The following EXOC4 variants were observed in gnomAD, a reference collection of about 807,000 sequenced individuals.
EXOC4 encodes SEC8-like 1.
Under a neutral mutation model 107.2 loss-of-function variants are expected in EXOC4, and 71 were observed. The observed-to-expected ratio is 0.66, with a 90% CI of 0.55 to 0.81. The LOEUF is 0.81. EXOC4 is among the 30% of genes least tolerant of loss of function. The pLI is 0.00. For synonymous variants in EXOC4, 456 were observed against 441.2 expected (o/e 1.03, Z -0.42); for missense variants, 1,108 against 1,189.6 (o/e 0.93, Z 1.01).
At chr7:133,440,901 T>A (rs926554286) in intron 7 of EXOC4, among the ~76,000 whole-genome samples, 1 of 152,244 alleles carries the variant, frequency 6.6e-6, no homozygotes, top group South Asian at 2.1e-4. Flanking sequence ...GTAGCCATTC[T>A]TTTTATTCCT....
intron 9 of EXOC4, among the ~76,000 whole-genome samples, chr7:133,592,160 C>T (rs976541381): frequency 6.6e-6 from 1 of 152,086 alleles, no homozygotes; most frequent in Admixed American, 6.5e-5. Flanking sequence ...CTCCTGTGCT[C>T]AAGTGATCTT....
chr7:133,619,471 T>C (rs1462388082), intron 9 of EXOC4, among the ~76,000 whole-genome samples: 2 of 152,194 alleles, frequency 1.3e-5, no homozygotes, highest in African/African-American at 4.8e-5. Flanking sequence ...CAAAACAAGA[T>C]TGATAGGCTC....
rs370990761 is a variant in EXOC4 at position 133,435,180 on chromosome 7, CT to C, written c.1183-40144del. On this transcript the variant is annotated intron_variant, in intron 7 of 17. Coordinates refer to ENST00000253861, the MANE Select transcript of EXOC4 (RefSeq NM_021807.4). ...CTGGTTAATCGATGCTTTGGTTGCA[CT>C]TTTGCACACTACCCTTTATTGAATG... is the stretch of plus-strand genomic sequence containing the variant. Among the ~76,000 whole-genome samples, 254 of 152,274 alleles carry C rather than the reference CT, an allele frequency of 1.7e-3. 2 individuals are homozygous for C. Among genetic ancestry groups the C allele is most frequent in the African/African-American group, 5.9e-3 (246 of 41,566 alleles).
At chr7:133,340,659 A>C (rs1455771304) in intron 5 of EXOC4, among the ~76,000 whole-genome samples, 1 of 151,320 alleles carries the variant, frequency 6.6e-6, no homozygotes, top group East Asian at 1.9e-4. Context: ...CTAGTCCTGG[A>C]CTTTTTTTTG....
intron 17 of EXOC4, among the ~76,000 whole-genome samples, chr7:134,058,602 A>T (rs1182470573): frequency 2.0e-5 from 3 of 152,258 alleles, no homozygotes; most frequent in Non-Finnish European, 2.9e-5. Context: ...AGTGTTGTTC[A>T]GATATAACTG....
chr7:133,854,739 G>T (rs1798312167), intron 11 of EXOC4, among the ~76,000 whole-genome samples: 1 of 149,718 alleles, frequency 6.7e-6, no homozygotes, highest in Non-Finnish European at 1.5e-5. Flanking sequence ...CCTTCAAATA[G>T]TCCCTCTTAG....
intron 11 of EXOC4, among the ~76,000 whole-genome samples, chr7:133,866,828 A>G (rs959701201): frequency 1.3e-5 from 2 of 152,210 alleles, no homozygotes; most frequent in Admixed American, 1.3e-4. Context: ...GATGCTGACA[A>G]TCAAGCTAAC....
the EXOC4 span, among the ~76,000 whole-genome samples, chr7:134,095,573 C>A: frequency 1.3e-5 from 2 of 152,110 alleles, no homozygotes; most frequent in Non-Finnish European, 2.9e-5. Context: ...TCAAATTATA[C>A]TATAAGGCTG....
Position 133,271,731 on chromosome 7 carries a change from C to T in EXOC4, c.87-3251C>T, listed in dbSNP as rs150897738. On this transcript the variant is annotated intron_variant, in intron 1 of 17. Transcript: ENST00000253861. The stretch of plus-strand genomic sequence containing the variant: ...AAGGGGAACTGATGTGAACATGCTG[C>T]GCTTACGCCGCTTGCTGTGCTGTGA... Among the ~76,000 whole-genome samples, 111 of 152,272 alleles carry T rather than the reference C, an allele frequency of 7.3e-4. 1 individual carries two copies. The highest frequency in any genetic ancestry group is 2.6e-3 in the African/African-American group (106 of 41,556).
At chr7:133,566,069 C>T (rs1800900299) in intron 9 of EXOC4, among the ~76,000 whole-genome samples, 1 of 152,110 alleles carries the variant, frequency 6.6e-6, no homozygotes, top group South Asian at 2.1e-4. Context: ...AGTTTGAGAT[C>T]ATTTATAAAG....
chr7:133,740,898 A>G (rs1183211798), intron 10 of EXOC4, among the ~76,000 whole-genome samples: 1 of 152,214 alleles, frequency 6.6e-6, no homozygotes, highest in Admixed American at 6.5e-5. Flanking sequence ...GGAAAGGAAG[A>G]CACTGAGATT....
rs550007638 is a variant in EXOC4, at chr7:133,899,002, CTTAAATA to C, written c.1871+3273_1871+3279del. 4.6e-5 allele frequency among the ~76,000 whole-genome samples: 7 copies of C among 151,526 alleles called. No individual in the cohort carries two copies. The South Asian group carries it at 1.0e-3, about 23-fold the overall frequency. ...CAAAAAATAAAAAATAAAAATAAAACTTAAATATTAAAAAGTTTAAAATTTTTAAAAT... is the reference window on the plus strand; with the variant it reads ...CAAAAAATAAAAAATAAAAATAAAACTTAAAAAGTTTAAAATTTTTAAAAT... On this transcript the variant is annotated intron_variant, in intron 12 of 17. Coordinates refer to ENST00000253861, the MANE Select transcript of EXOC4 (RefSeq NM_021807.4).
chr7:133,779,305 A>C (rs1796411307), intron 10 of EXOC4, among the ~76,000 whole-genome samples: 1 of 151,200 alleles, frequency 6.6e-6, no homozygotes, highest in African/African-American at 2.4e-5. Flanking sequence ...AAAAATGAGG[A>C]TTTTTTTTTA....
chr7:133,750,556 G>A (rs1205547604), intron 10 of EXOC4, among the ~76,000 whole-genome samples: 3 of 150,206 alleles, frequency 2.0e-5, no homozygotes, highest in African/African-American at 7.4e-5. Flanking sequence ...AGTAACTGTT[G>A]TGTGAGGGGA....
chr7:133,347,864 G>A (rs765360551), intron 5 of EXOC4, among the ~76,000 whole-genome samples: 4 of 152,084 alleles, frequency 2.6e-5, no homozygotes, highest in South Asian at 2.1e-4. Flanking sequence ...GAAAGTCTTC[G>A]AAACTAGGTT....
chr7:133,625,148 C>T (rs1056188771), intron 9 of EXOC4, among the ~76,000 whole-genome samples: 3 of 152,092 alleles, frequency 2.0e-5, no homozygotes, highest in Non-Finnish European at 4.4e-5. Flanking sequence ...CCTAAAGTAA[C>T]AAGAACAACA....
rs1166466886 is a variant in EXOC4, at chr7:133,961,384, T to C, written c.2206+23315T>C. On this transcript the variant is annotated intron_variant, in intron 14 of 17. Coordinates refer to ENST00000253861, the MANE Select transcript of EXOC4 (RefSeq NM_021807.4). The stretch of plus-strand genomic sequence containing the variant: ...TCACTGCAACCTCTGCCTCCCAGGT[T>C]CAAGCAATTCTCATGCCTCAGCCTC... Among the ~76,000 whole-genome samples the C allele has an allele frequency of 2.1e-5, 3 of 141,286 alleles. No individual in the cohort carries two copies. In the Admixed American group the frequency reaches 2.4e-4, roughly 11 times the overall value. The allele number at this position is 141,286 out of a possible 152,430, so 92.7% of individuals were successfully genotyped here. A position where few individuals can be genotyped will look rare whatever the true frequency, so the allele number is the denominator to read the frequency against.
intron 11 of EXOC4, among the ~76,000 whole-genome samples, chr7:133,853,393 C>CACACACAA (rs1251021627): frequency 7.9e-6 from 1 of 126,256 alleles, no homozygotes; most frequent in Non-Finnish European, 1.7e-5. Flanking sequence ...CACACACACA[C>CACACACAA]ACACAACTTT....
At chr7:133,963,020 G>A (rs1432459048) in intron 14 of EXOC4, among the ~76,000 whole-genome samples, 1 of 152,250 alleles carries the variant, frequency 6.6e-6, no homozygotes, top group Non-Finnish European at 1.5e-5. Flanking sequence ...TGCTGCACAT[G>A]TAGGAAGGGC....
Sources: allele counts gnomAD v4.1 joint callset (sites outside exome capture counted in the v4.1 genomes callset), GRCh38; gene constraint gnomAD v4.1.1; transcripts MANE v1.5; gene names NCBI Gene and HGNC (gene_info 2026-07-23, HGNC 2026-07-21).